The following JOSD1 variants were observed in gnomAD, a reference collection of about 807,000 sequenced individuals.
JOSD1 encodes Josephin domain containing 1, also known as josephin-1.
In JOSD1, 11 loss-of-function variants were observed where a neutral mutation model predicts 24.3. The observed-to-expected ratio is 0.45, with a 90% confidence interval of 0.29 to 0.75. The LOEUF is 0.75. JOSD1 is among the 30% of genes least tolerant of loss of function. The pLI, the probability that JOSD1 is intolerant of heterozygous loss-of-function variation, is 0.11. For synonymous variants in JOSD1, 106 were observed against 93.8 expected, an observed-to-expected ratio of 1.13 and a Z score of -0.75; for missense variants, 184 against 253.5, an observed-to-expected ratio of 0.73 and a Z score of 1.86.
chr22:38,694,171 T>G (rs2092535074), intron 2 of JOSD1, among the ~76,000 whole-genome samples: 1 of 152,234 alleles, frequency 6.6e-6, no homozygotes, highest in South Asian at 2.1e-4. Flanking sequence ...CACCAGCACT[T>G]GCTTGTACTT....
chr22:38,699,762 G>A (rs2092560041), intron 2 of JOSD1, 41 bp downstream of exon 2: 2 of 1,590,846 alleles, frequency 1.3e-6, no homozygotes, highest in South Asian at 1.1e-5. Context: ...CAGAAATCCA[G>A]AAATATCAGT....
rs568083553 is a variant in JOSD1, at chr22:38,687,013, T to C, written c.*889A>G. Reference sequence around the variant, plus strand: ...TCCTCCTCACTTCATACTAGAATATTAGTTAATTTTTCATTATAAAACTCT... The same window carrying C: ...TCCTCCTCACTTCATACTAGAATATCAGTTAATTTTTCATTATAAAACTCT... On this transcript the variant is annotated 3_prime_UTR_variant, in exon 5 of 5. Coordinates refer to ENST00000683374, the MANE Select transcript of JOSD1 (RefSeq NM_001360236.2). The C allele has an allele frequency of 1.3e-5, 2 of 152,204 alleles. No individual in the cohort carries two copies. Among genetic ancestry groups the C allele is most frequent in the Non-Finnish European group, 2.9e-5 (2 of 68,044 alleles). The allele number at this position is 152,204 out of a possible 1,614,324, so 9.4% of individuals were successfully genotyped here.
chr22:38,695,419 T>G (rs2092541133), intron 2 of JOSD1, among the ~76,000 whole-genome samples: 1 of 150,820 alleles, frequency 6.6e-6, no homozygotes, highest in African/African-American at 2.4e-5. Flanking sequence ...TTTTTTTCCC[T>G]TGATACCAAG....
At chr22:38,689,677 CT>C (rs527263886) in intron 2 of JOSD1, among the ~76,000 whole-genome samples, 460 of 144,968 alleles carry the variant, frequency 3.2e-3, no homozygotes, top group Admixed American at 3.4e-3. Flanking sequence ...TCATGCAAGC[CT>C]TTTTTTTTTT....
At chr22:38,698,243 G>T (rs2092553427) in intron 2 of JOSD1, among the ~76,000 whole-genome samples, 1 of 152,178 alleles carries the variant, frequency 6.6e-6, no homozygotes, top group Admixed American at 6.5e-5. Flanking sequence ...CAGTGCCCCA[G>T]GTCCTGAAGA....
rs139259494 is a variant in JOSD1 at position 38,691,369 on chromosome 22, A to G, written c.186-1945T>C. 5.6e-3 allele frequency among the ~76,000 whole-genome samples: 842 copies of G among 151,642 alleles called. 5 individuals carry two copies. The highest frequency in any genetic ancestry group is 0.02 in the African/African-American group (807 of 41,336). On this transcript the variant is annotated intron_variant, in intron 2 of 4. Transcript: ENST00000683374. ...AAGACCCTGTCTCAAAAAAAAAGAA[A>G]AAAAAAAAAAACCCACAGAATTAAA...
Position 38,689,415 on chromosome 22 carries a change from T to C in JOSD1, c.195A>G (p.Pro65=). The stretch of plus-strand genomic sequence containing the variant: ...TCTTGTGAGGTGTCACCATGGTGTT[T>C]GGAGACAACCTACCAATGTGAAAAG... ...TLQEIFQRLS[P]NTMVTPHKKS... is the part of the protein sequence containing the mutation. Residue 65 remains proline (P), a synonymous_variant, in exon 3 of 5, where the codon CCA becomes CCG. Transcript: ENST00000683374. 9 of 1,614,198 alleles carry C rather than the reference T, an allele frequency of 5.6e-6. No individual in the cohort carries two copies. Among genetic ancestry groups the C allele is most frequent in the South Asian group, 1.1e-5 (1 of 91,086 alleles).
At chr22:38,689,969 T>C (rs1803254988) in intron 2 of JOSD1, among the ~76,000 whole-genome samples, 1 of 148,628 alleles carries the variant, frequency 6.7e-6, no homozygotes, top group African/African-American at 2.5e-5. Flanking sequence ...AAATTTTTCT[T>C]AAAATACCCA....
At position 38,699,834 on chromosome 22, in the gene JOSD1, T is replaced by G; in HGVS notation, c.154A>C (p.Thr52Pro). ...NNVFQDSNAFTRDTLQEIFQR... is the reference protein window; with the variant it reads ...NNVFQDSNAFPRDTLQEIFQR... ...AAAATCTCTTGCAGCGTATCCCGGG[T>G]GAAGGCATTGCTGTCCTGGAAGACG... is the stretch of plus-strand genomic sequence containing the variant. Residue 52 changes from threonine to proline, a missense_variant, in exon 2 of 5, where the codon ACC becomes CCC. Transcript: ENST00000683374. The G allele has an allele frequency of 6.2e-7, 1 of 1,614,142 alleles. No individual in the cohort carries two copies. Among genetic ancestry groups the G allele is most frequent in the Non-Finnish European group, 8.5e-7 (1 of 1,180,016 alleles).
intron 2 of JOSD1, among the ~76,000 whole-genome samples, chr22:38,695,292 T>C (rs1228623155): frequency 1.3e-5 from 2 of 152,174 alleles, no homozygotes; most frequent in Non-Finnish European, 2.9e-5. Flanking sequence ...ATGTGGCCCC[T>C]TCCACCTGCT....
intron 2 of JOSD1, among the ~76,000 whole-genome samples, chr22:38,696,546 C>G (rs921441788): frequency 6.6e-6 from 1 of 152,168 alleles, no homozygotes; most frequent in Non-Finnish European, 1.5e-5. Context: ...GGCCCACATT[C>G]TTTATATAAA....
intron 2 of JOSD1, among the ~76,000 whole-genome samples, chr22:38,693,875 C>T (rs947567196): frequency 3.3e-5 from 5 of 151,764 alleles, no homozygotes; most frequent in South Asian, 2.1e-4. Flanking sequence ...ATCCTAGCAC[C>T]GATCAACACT....
intron 2 of JOSD1, among the ~76,000 whole-genome samples, chr22:38,698,660 G>A (rs2092554962): frequency 6.6e-6 from 1 of 152,172 alleles, no homozygotes; most frequent in South Asian, 2.1e-4. Flanking sequence ...GAGTTGCTAT[G>A]GACTGCAGCC....
intron 4 of JOSD1, among the ~76,000 whole-genome samples, chr22:38,688,270 GGTTT>G (rs1353037826): frequency 1.3e-5 from 2 of 152,072 alleles, no homozygotes; most frequent in East Asian, 3.9e-4. Flanking sequence ...ACTTTTTCTT[GGTTT>G]GTTTGGAGAC....
rs575437494 is a variant in JOSD1 at position 38,686,185 on chromosome 22, T to A, written c.*1717A>T. 4 of 152,640 alleles carry A rather than the reference T, an allele frequency of 2.6e-5. No homozygotes were observed. The highest frequency in any genetic ancestry group is 9.6e-5 in the African/African-American group (4 of 41,530). 9.5% of individuals were successfully genotyped at this position (152,640 alleles called of 1,614,324 possible). A position where few individuals can be genotyped will look rare whatever the true frequency, so the allele number is the denominator to read the frequency against. ...ACTGCGGCCAGTTGCTGAGAAGATA[T>A]AACGCAGTAGCCGCTTGGTGGCCTG... On this transcript the variant is annotated 3_prime_UTR_variant, in exon 5 of 5. Coordinates refer to ENST00000683374, the MANE Select transcript of JOSD1 (RefSeq NM_001360236.2).
At chr22:38,691,797 G>T (rs2092523511) in intron 2 of JOSD1, among the ~76,000 whole-genome samples, 1 of 152,084 alleles carries the variant, frequency 6.6e-6, no homozygotes, top group South Asian at 2.1e-4. Flanking sequence ...GTTTCTCCCA[G>T]TCACTACCTC....
At chr22:38,701,023 C>G (rs532598336), upstream of JOSD1, 57 of 965,024 alleles carry the variant, frequency 5.9e-5, no homozygotes, top group African/African-American at 9.3e-4. Context: ...CCCTCCCGCG[C>G]CGTCCTCACT....
chr22:38,694,070 C>T (rs2092534592), intron 2 of JOSD1, among the ~76,000 whole-genome samples: 1 of 152,228 alleles, frequency 6.6e-6, no homozygotes, highest in African/African-American at 2.4e-5. Flanking sequence ...ACACGTTAGG[C>T]AATTTGAATA....
chr22:38,692,442 A>C (rs2092526890), intron 2 of JOSD1, among the ~76,000 whole-genome samples: 1 of 152,174 alleles, frequency 6.6e-6, no homozygotes. Flanking sequence ...ACATAGCTTA[A>C]AAAGACAAAG....
Sources: allele counts gnomAD v4.1 joint callset (sites outside exome capture counted in the v4.1 genomes callset), GRCh38; gene constraint gnomAD v4.1.1; transcripts MANE v1.5; gene names NCBI Gene and HGNC (gene_info 2026-07-23, HGNC 2026-07-21).